CFAP47: variants seen among roughly 807,000 people sequenced by gnomAD.
CFAP47 encodes cilia and flagella associated protein 47.
A neutral mutation model predicts 148.1 loss-of-function variants in CFAP47; 29 were observed. The observed-to-expected ratio is 0.20, with a 90% CI of 0.15 to 0.27. CFAP47 has a LOEUF of 0.27. CFAP47 is among the 10% of genes least tolerant of loss of function. CFAP47 has a pLI of 1.00. For missense variants in CFAP47, 1,872 were observed against 1,697.5 expected (o/e 1.10, Z -1.81); for synonymous variants, 664 against 577.3 (o/e 1.15, Z -2.15).
chrX:36,299,017 A>G lies in CFAP47; in HGVS notation c.7727A>G (p.Asp2576Gly). The G allele has an allele frequency of 8.7e-7, 1 of 1,155,911 alleles. No individual in the cohort carries two copies. Among genetic ancestry groups the G allele is most frequent in the Non-Finnish European group, 1.2e-6 (1 of 863,387 alleles). Residue 2576 changes from aspartate to glycine, a missense_variant, in exon 52 of 64, where the codon GAT becomes GGT. Physicochemically the swap from Asp to Gly is moderately conservative, Grantham distance 94 (BLOSUM62 -1). Coordinates refer to ENST00000378653, the MANE Select transcript of CFAP47 (RefSeq NM_001304548.2). ...GAAATACCTCTCTCTAATCCAAAAG[A>G]TAGAGGTCTTCACTTAGAGGTGCAG... is the stretch of plus-strand genomic sequence containing the variant. ...CIEIPLSNPK[D>G]RGLHLEVQLT...
chrX:36,293,529 A>G (rs180831842), intron 51 of CFAP47, among the ~76,000 whole-genome samples: 512 of 111,908 alleles, frequency 4.6e-3, no homozygotes, highest in Middle Eastern at 0.019. Flanking sequence ...GAGAAAAAGA[A>G]AGCAGAGAGA....
chrX:35,960,760 T>A (rs1477239272), intron 8 of CFAP47, among the ~76,000 whole-genome samples: 1 of 110,790 alleles, frequency 9.0e-6, no homozygotes, highest in African/African-American at 3.3e-5. Flanking sequence ...GTTCTGGTAG[T>A]TTTTTGGTGG....
At chrX:36,120,165 G>A (rs1938716028) in intron 33 of CFAP47, among the ~76,000 whole-genome samples, 1 of 104,578 alleles carries the variant, frequency 9.6e-6, no homozygotes, top group South Asian at 4.2e-4. Context: ...CCACACCCAG[G>A]TAATTTTTTT....
chrX:36,309,662 A>T, intron 55 of CFAP47, among the ~76,000 whole-genome samples: 1 of 110,992 alleles, frequency 9.0e-6, no homozygotes, highest in Non-Finnish European at 1.9e-5. Context: ...TGAAACCATG[A>T]CCTTCTTTTT....
chrX:36,178,472 G>T (rs1939712470), intron 39 of CFAP47, among the ~76,000 whole-genome samples: 1 of 111,871 alleles, frequency 8.9e-6, no homozygotes, highest in Admixed American at 9.5e-5. Context: ...GTGTGTGTTT[G>T]TGGGTGTGTG....
chrX:36,172,881 T>G (rs1939604984), intron 39 of CFAP47, among the ~76,000 whole-genome samples: 1 of 111,489 alleles, frequency 9.0e-6, no homozygotes, highest in Non-Finnish European at 1.9e-5. Context: ...ATGGTACCAG[T>G]TCCTCCTTGT....
intron 48 of CFAP47, among the ~76,000 whole-genome samples, chrX:36,240,287 G>T (rs1555995752): frequency 8.9e-6 from 1 of 111,791 alleles, no homozygotes; most frequent in Non-Finnish European, 1.9e-5. Context: ...GTTAGAAGCT[G>T]TCTCTAAGGG....
At chrX:36,079,930 G>T (rs1346521409) in intron 29 of CFAP47, among the ~76,000 whole-genome samples, 1 of 111,542 alleles carries the variant, frequency 9.0e-6, no homozygotes, top group East Asian at 2.8e-4. Context: ...TAGACAAATG[G>T]GATCTAATTA....
chrX:36,300,700 G>A (rs1941290498), intron 52 of CFAP47, among the ~76,000 whole-genome samples: 1 of 112,147 alleles, frequency 8.9e-6, no homozygotes, highest in African/African-American at 3.2e-5. Flanking sequence ...GCATTCACAT[G>A]AAAATGCACA....
chrX:36,053,554 G>T (rs1022085707), intron 26 of CFAP47, among the ~76,000 whole-genome samples: 1 of 111,283 alleles, frequency 9.0e-6, no homozygotes, highest in East Asian at 2.8e-4. Flanking sequence ...ACATGAGACC[G>T]CTCTGTGTTC....
chrX:35,924,248 C>CATGTATGTGCAT (rs761132383), intron 1 of CFAP47, among the ~76,000 whole-genome samples: 1 of 84,628 alleles, frequency 1.2e-5, no homozygotes, highest in African/African-American at 6.2e-5. Flanking sequence ...TGTATGTGTG[C>CATGTATGTGCAT]ATATGGACAT....
intron 49 of CFAP47, among the ~76,000 whole-genome samples, chrX:36,279,476 T>C (rs5973632): frequency 0.24 from 26,303 of 111,046 alleles, 2,573 homozygotes; most frequent in African/African-American, 0.36. Context: ...AAACAGTATT[T>C]ATAGGCATTG....
intron 27 of CFAP47, among the ~76,000 whole-genome samples, chrX:36,068,078 C>T (rs1250028320): frequency 8.9e-6 from 1 of 112,075 alleles, no homozygotes; most frequent in Admixed American, 9.5e-5. Flanking sequence ...GTTTAGTTGT[C>T]ATTTCTGGAC....
At chrX:35,961,625 A>G (rs1333436003) in intron 8 of CFAP47, among the ~76,000 whole-genome samples, 2 of 111,487 alleles carry the variant, frequency 1.8e-5, no homozygotes, top group Non-Finnish European at 3.8e-5. Context: ...TGTTGATCAC[A>G]TAATCTTATA....
chrX:36,033,948 T>A (rs1937310404), intron 23 of CFAP47, among the ~76,000 whole-genome samples: 1 of 111,532 alleles, frequency 9.0e-6, no homozygotes, highest in Admixed American at 9.6e-5. Flanking sequence ...TTCACCCAAC[T>A]TTACCTAACA....
rs1184308736 is a variant in CFAP47, at chrX:35,971,757, G to C, written c.2142G>C (p.Glu714Asp). ...GGGGTATAGCATCTCAGGAGGAAGA[G>C]TCTGTGAGAAGAAAGGCACGTGCAA... is the stretch of plus-strand genomic sequence containing the variant. Reference protein sequence around the residue: ...TTRGIASQEEESVRRKVLKGL... With the variant: ...TTRGIASQEEDSVRRKVLKGL... The change falls in exon 12 of 64, where the codon GAG becomes GAC. Residue 714 changes from glutamate to aspartate, a missense_variant. By Grantham distance (45) the Glu-to-Asp change is conservative (BLOSUM62 2). Coordinates refer to ENST00000378653, the MANE Select transcript of CFAP47 (RefSeq NM_001304548.2). The C allele has an allele frequency of 1.7e-6, 2 of 1,206,578 alleles. No individual in the cohort carries two copies. The highest frequency in any genetic ancestry group is 3.5e-5 in the African/African-American group (2 of 57,109).
chrX:36,113,460 T>A (rs1230122743), intron 33 of CFAP47, among the ~76,000 whole-genome samples: 1 of 111,954 alleles, frequency 8.9e-6, no homozygotes, highest in Non-Finnish European at 1.9e-5. Flanking sequence ...ATGTCTGTTG[T>A]TAGTGTAATG....
chrX:36,100,369 T>C (rs149865137), intron 32 of CFAP47, among the ~76,000 whole-genome samples: 1,857 of 112,247 alleles, frequency 0.017, 48 homozygotes, highest in African/African-American at 0.057. Flanking sequence ...AGTCTCTTGC[T>C]ATAAAACTAT....
In CFAP47 at chrX:36,055,076, G is replaced by A. The variant is rs745979002; in HGVS notation, c.4217+8013G>A. On this transcript the variant is annotated intron_variant, in intron 26 of 63. Coordinates refer to ENST00000378653, the MANE Select transcript of CFAP47 (RefSeq NM_001304548.2). ...TGGGATTACAGGCGTGAGCCACCAT[G>A]CCCGGCCAGCTCTTAGTATTTTTTC... is the stretch of plus-strand genomic sequence containing the variant. 2.6e-3 allele frequency among the ~76,000 whole-genome samples: 281 copies of A among 108,141 alleles called. 1 individual carries two copies. The highest frequency in any genetic ancestry group is 3.9e-3 in the Non-Finnish European group (202 of 52,466). 93.9% of individuals were successfully genotyped at this position (108,141 alleles called of 115,157 possible).
Sources: gnomAD v4.1 joint callset for allele counts (sites outside exome capture counted in the v4.1 genomes callset) on GRCh38, gnomAD v4.1.1 for gene constraint, MANE v1.5 for transcripts, NCBI Gene and HGNC (gene_info 2026-07-23, HGNC 2026-07-21) for gene names.